CDH23: variants seen among roughly 807,000 people sequenced by gnomAD.
CDH23 encodes cadherin-23.
Under a neutral mutation model 317.1 loss-of-function variants are expected in CDH23, and 189 were observed. The observed-to-expected ratio is 0.60, with a 90% CI of 0.53 to 0.67. The LOEUF is 0.67. Ranked by LOEUF, CDH23 falls within the 30% of genes least tolerant of loss-of-function variation. The pLI is 0.00. For missense variants in CDH23, 4,401 were observed against 4,592.4 expected, an observed-to-expected ratio of 0.96 and a Z score of 1.20; for synonymous variants, 1,839 against 1,876.8, an observed-to-expected ratio of 0.98 and a Z score of 0.52.
At chr10:71,517,230 G>A (rs78885155) in intron 6 of CDH23, among the ~76,000 whole-genome samples, 152 of 152,314 alleles carry the variant, frequency 1.0e-3, no homozygotes, top group Non-Finnish European at 1.9e-3. Context: ...GGTGAGGAGC[G>A]GTGAGGCCTA....
intron 6 of CDH23, chr10:71,511,723 T>A (rs1055199175): frequency 1.2e-5 from 2 of 166,728 alleles, no homozygotes; most frequent in Non-Finnish European, 2.6e-5. Flanking sequence ...CATGAGTGCA[T>A]GCGTGTAAAA....
chr10:71,774,815 T>C (rs7904703), intron 38 of CDH23, among the ~76,000 whole-genome samples: 59,457 of 152,020 alleles, frequency 0.39, 11,873 homozygotes, highest in East Asian at 0.47. Flanking sequence ...CAGAGGACAC[T>C]CAGAGTCTGA....
At chr10:71,783,822 C>T (rs1841022834) in intron 41 of CDH23, among the ~76,000 whole-genome samples, 1 of 152,252 alleles carries the variant, frequency 6.6e-6, no homozygotes, top group Non-Finnish European at 1.5e-5. Context: ...CAAAGCATTG[C>T]TTTGTGGTCA....
intron 31 of CDH23, 70 bp from the exon 32 acceptor site, chr10:71,731,917 G>A (rs1839403714): frequency 6.6e-7 from 1 of 1,519,342 alleles, no homozygotes; most frequent in African/African-American, 1.4e-5. Flanking sequence ...GGGTGTGGCA[G>A]CTTGAGAAGC....
At chr10:71,434,547 A>C (rs754744640) in intron 1 of CDH23, among the ~76,000 whole-genome samples, 4 of 151,902 alleles carry the variant, frequency 2.6e-5, no homozygotes, top group Non-Finnish European at 4.4e-5. Context: ...GGTGATTCCT[A>C]TGTGGGTGAC....
In CDH23 at chr10:71,667,110, G is replaced by A. The variant is rs184797204; in HGVS notation, c.1450-8002G>A. ...CCTGCCTCTGTTGCTGGGACCCAGG[G>A]CTGCTGCGGAGGCAGCTGGGCCTGC... is the stretch of plus-strand genomic sequence containing the variant. On this transcript the variant is annotated intron_variant, in intron 14 of 69. Transcript: ENST00000224721. 6.2e-3 allele frequency among the ~76,000 whole-genome samples: 938 copies of A among 152,368 alleles called. 8 individuals are homozygous for A. Among genetic ancestry groups the A allele is most frequent in the African/African-American group, 0.022 (906 of 41,586 alleles).
chr10:71,790,153 G>T, intron 45 of CDH23, 135 bp from the exon 46 acceptor site: 2 of 1,244,898 alleles, frequency 1.6e-6, no homozygotes, highest in Non-Finnish European at 2.2e-6. Context: ...CGCCCCCAGG[G>T]CCTCCCCACC....
chr10:71,442,481 C>T (rs1475504891), intron 2 of CDH23, among the ~76,000 whole-genome samples: 2 of 152,086 alleles, frequency 1.3e-5, no homozygotes, highest in Middle Eastern at 3.2e-3. Context: ...CACCTGACCC[C>T]GTCACCCCAG....
chr10:71,419,922 AC>A (rs1848676991), intron 1 of CDH23, among the ~76,000 whole-genome samples: 1 of 152,132 alleles, frequency 6.6e-6, no homozygotes, highest in Non-Finnish European at 1.5e-5. Context: ...GGCACCTGGG[AC>A]CCAGATGGTG....
chr10:71,710,073 C>T (rs925642316), intron 27 of CDH23, among the ~76,000 whole-genome samples: 3 of 152,188 alleles, frequency 2.0e-5, no homozygotes, highest in African/African-American at 4.8e-5. Context: ...CGCTGGCTCC[C>T]TCCCACAACA....
chr10:71,632,708 C>T (rs1360447095), intron 11 of CDH23, among the ~76,000 whole-genome samples: 5 of 152,120 alleles, frequency 3.3e-5, no homozygotes, highest in Non-Finnish European at 7.4e-5. Context: ...ATCTTTACCT[C>T]AGTATAGCTC....
chr10:71,610,116 T>G (rs1249347852), intron 9 of CDH23, among the ~76,000 whole-genome samples: 4 of 152,158 alleles, frequency 2.6e-5, no homozygotes, highest in Non-Finnish European at 4.4e-5. Flanking sequence ...ACAATTCTCC[T>G]GCTCAGCCTC....
intron 6 of CDH23, among the ~76,000 whole-genome samples, chr10:71,529,167 A>C (rs892154958): frequency 1.3e-5 from 2 of 152,152 alleles, no homozygotes; most frequent in Non-Finnish European, 2.9e-5. Flanking sequence ...GTGGGGCCTG[A>C]GACTCTGTTT....
chr10:71,539,668 T>C (rs529959959), intron 6 of CDH23, among the ~76,000 whole-genome samples: 1 of 152,018 alleles, frequency 6.6e-6, no homozygotes, highest in Non-Finnish European at 1.5e-5. Flanking sequence ...CCTCTCCCTC[T>C]CCTGCCTTCC....
At chr10:71,572,534 TG>T (rs1229134969) in intron 8 of CDH23, among the ~76,000 whole-genome samples, 1 of 152,114 alleles carries the variant, frequency 6.6e-6, no homozygotes, top group African/African-American at 2.4e-5. Flanking sequence ...GGTAATGGAA[TG>T]GATAAATGAA....
At chr10:71,510,567 A>G (rs924854654) in intron 4 of CDH23, among the ~76,000 whole-genome samples, 1 of 152,076 alleles carries the variant, frequency 6.6e-6, no homozygotes, top group Non-Finnish European at 1.5e-5. Flanking sequence ...AGAAGCAGGA[A>G]TTGACGGCAT....
intron 28 of CDH23, chr10:71,717,891 A>G (rs527509817): frequency 6.6e-6 from 1 of 152,250 alleles, no homozygotes; most frequent in South Asian, 2.1e-4. Context: ...AGCCAAATAA[A>G]CTTGATTTCA....
intron 28 of CDH23, chr10:71,716,397 CG>C (rs1866240785): frequency 7.1e-7 from 1 of 1,407,282 alleles, no homozygotes; most frequent in African/African-American, 1.5e-5. Flanking sequence ...CCCAGGGCAG[CG>C]GGTATAGGGA....
chr10:71,495,244 T>A (rs1478118023), intron 3 of CDH23, among the ~76,000 whole-genome samples: 1 of 152,212 alleles, frequency 6.6e-6, no homozygotes, highest in Non-Finnish European at 1.5e-5. Context: ...AAATGAATGG[T>A]GCTGTGATCA....
Sources: gnomAD v4.1 joint callset for allele counts (sites outside exome capture counted in the v4.1 genomes callset) on GRCh38, gnomAD v4.1.1 for gene constraint, MANE v1.5 for transcripts, NCBI Gene and HGNC (gene_info 2026-07-23, HGNC 2026-07-21) for gene names.